Variants in GRHL3 observed in about 807,000 individuals in gnomAD.
The protein encoded by GRHL3 is grainyhead-like protein 3 homolog.
A neutral mutation model predicts 70.3 loss-of-function variants in GRHL3; 20 were observed. The ratio of observed to expected loss-of-function variants is 0.28; its 90% CI spans 0.20 to 0.41. The LOEUF is 0.41. GRHL3 is among the 10% of genes least tolerant of loss of function. The probability of loss-of-function intolerance (pLI) is 1.00; values close to 1 mark genes in which losing one functional copy is unlikely to be tolerated. For synonymous variants in GRHL3, 299 were observed against 299.9 expected (o/e 1.00, Z 0.03); for missense variants, 637 against 762.3 (o/e 0.84, Z 1.94).
chr1:24,329,334 C>T lies in GRHL3; in HGVS notation c.18-2092C>T, dbSNP rs141324899. On this transcript the variant is annotated intron_variant, in intron 1 of 15. Transcript: ENST00000361548. ...CCACTGCAGTCTGAGGATATGGGCCCTAGTGGCCTGGCAGCAGGAGGGTAC... is the reference window on the plus strand; with the variant it reads ...CCACTGCAGTCTGAGGATATGGGCCTTAGTGGCCTGGCAGCAGGAGGGTAC... Among the ~76,000 whole-genome samples, 59 of 152,320 alleles carry T rather than the reference C, an allele frequency of 3.9e-4. No individual in the cohort carries two copies. The East Asian group carries it at 8.5e-3, about 22-fold the overall frequency.
chr1:24,338,096 T>G lies in GRHL3; in HGVS notation c.945T>G (p.Ile315Met), dbSNP rs1333934293. 1 of 1,604,316 alleles carries G rather than the reference T, an allele frequency of 6.2e-7. No homozygotes were observed. The highest frequency in any genetic ancestry group is 2.2e-5 in the East Asian group (1 of 44,844). ...SRQPTAKQRV[I>M]DVADCKENFN... ...AACCCACTGCCAAGCAGCGGGTCAT[T>G]GACGTGGGTGAGAGCCTTCTCAAGC... is the stretch of plus-strand genomic sequence containing the variant. Residue 315 changes from isoleucine to methionine, a missense_variant, in exon 7 of 16, where the codon ATT (isoleucine) becomes ATG (methionine). Ile to Met is a conservative substitution (Grantham distance 10, BLOSUM62 1). Transcript: ENST00000361548.
chr1:24,334,514 T>C lies in GRHL3; in HGVS notation c.205-131T>C, dbSNP rs775609283. On this transcript the variant is annotated intron_variant, in intron 2 of 15. Transcript: ENST00000361548. This position sits in a 1 kb window ranked among gnomAD's most constrained non-coding sequence, Gnocchi z 4.3. ...ATGGGAACTACGATTCAAGATGAGATTTGGGTGGGGACACAGCCGAACCAT... is the reference window on the plus strand; with the variant it reads ...ATGGGAACTACGATTCAAGATGAGACTTGGGTGGGGACACAGCCGAACCAT... The C allele has an allele frequency of 2.2e-5, 14 of 651,086 alleles. No individual in the cohort carries two copies. The highest frequency in any genetic ancestry group is 3.7e-5 in the African/African-American group (2 of 54,678). 40.3% of individuals were successfully genotyped at this position (651,086 alleles called of 1,614,324 possible).
chr1:24,360,907 A>T (rs575719376), intron 15 of GRHL3: 1 of 1,613,956 alleles, frequency 6.2e-7, no homozygotes, highest in African/African-American at 1.3e-5. Flanking sequence ...GGTATTGGAC[A>T]CGAATGATGC....
chr1:24,323,053 A>T, intron 1 of GRHL3: 1 of 1,549,022 alleles, frequency 6.5e-7, no homozygotes, highest in Non-Finnish European at 8.7e-7. Context: ...AGATGTGCCA[A>T]ACTGTTAAGA....
At chr1:24,349,036 C>T (rs1452564235) in intron 14 of GRHL3, among the ~76,000 whole-genome samples, 3 of 152,210 alleles carry the variant, frequency 2.0e-5, no homozygotes, top group African/African-American at 7.2e-5. Context: ...TGCAGAACCA[C>T]AGTGTGTGTA....
At chr1:24,338,182 A>C in intron 7 of GRHL3, 79 bp downstream of exon 7, 1 of 938,824 alleles carries the variant, frequency 1.1e-6, no homozygotes, top group South Asian at 1.7e-5. Flanking sequence ...TTTCTTACTC[A>C]CCCCTGTTTC....
intron 1 of GRHL3, among the ~76,000 whole-genome samples, chr1:24,324,355 C>G (rs1445044714): frequency 6.6e-6 from 1 of 152,108 alleles, no homozygotes; most frequent in African/African-American, 2.4e-5. Context: ...GTGCGTGTTC[C>G]TCTTAAGTGG....
chr1:24,338,013 G>A lies in GRHL3; in HGVS notation c.862G>A (p.Asp288Asn), dbSNP rs141594535. 3.0e-5 allele frequency: 48 copies of A among 1,610,430 alleles called. No homozygotes were observed. The highest frequency in any genetic ancestry group is 1.9e-4 in the African/African-American group (14 of 74,752). Residue 288 changes from aspartate (D) to asparagine (N), a missense_variant, in exon 7 of 16, where the codon GAC becomes AAC. Physicochemically the swap from Asp to Asn is conservative, Grantham distance 23. Around this residue, in one of 2 missense-constraint regions of GRHL3, gnomAD observed 387 missense variants for 513.8 expected, o/e 0.75. Coordinates refer to ENST00000361548, the MANE Select transcript of GRHL3 (RefSeq NM_198173.3). ...GCAGAGTGTGGTGATGGTTGTCTTCGACAATGAGAAGGTCCCAGTAGAGCA... is the reference window on the plus strand; with the variant it reads ...GCAGAGTGTGGTGATGGTTGTCTTCAACAATGAGAAGGTCCCAGTAGAGCA... ...KVKSVVMVVF[D>N]NEKVPVEQLR...
intron 8 of GRHL3, among the ~76,000 whole-genome samples, 199 bp from the exon 9 acceptor site, chr1:24,341,916 C>T (rs939121470): frequency 6.6e-6 from 1 of 152,210 alleles, no homozygotes; most frequent in African/African-American, 2.4e-5. Flanking sequence ...CGTGTCACCT[C>T]GGGAAAGTTG....
At chr1:24,356,126 C>T (rs1159192962), downstream of GRHL3, among the ~76,000 whole-genome samples, 1 of 152,080 alleles carries the variant, frequency 6.6e-6, no homozygotes, top group Non-Finnish European at 1.5e-5. Context: ...GTCTCGAACT[C>T]CTGACCTTGT....
At chr1:24,335,555 TG>T (rs1639767256) in intron 3 of GRHL3, among the ~76,000 whole-genome samples, 2 of 151,372 alleles carry the variant, frequency 1.3e-5, no homozygotes, top group African/African-American at 2.4e-5. Context: ...ACAGTGGGTT[TG>T]GGTACATGGG....
At chr1:24,355,528 G>C (rs1340979016), downstream of GRHL3, among the ~76,000 whole-genome samples, 1 of 152,210 alleles carries the variant, frequency 6.6e-6, no homozygotes, top group Non-Finnish European at 1.5e-5. Flanking sequence ...CCAGATGTTT[G>C]TGTTTGAATG....
chr1:24,347,368 C>A, intron 13 of GRHL3, 100 bp from the exon 14 acceptor site: 1 of 1,037,566 alleles, frequency 9.6e-7, no homozygotes, highest in Admixed American at 1.7e-5. Flanking sequence ...AGACCCGCAG[C>A]AGAAGTCAAT....
At chr1:24,354,226 T>C (rs1414035309) in intron 15 of GRHL3, 148 bp from the exon 16 acceptor site, 2 of 586,954 alleles carry the variant, frequency 3.4e-6, no homozygotes, top group Non-Finnish European at 3.1e-6. Context: ...CTCGTGGGGT[T>C]GTTGTGAGGA....
intron 15 of GRHL3, among the ~76,000 whole-genome samples, chr1:24,361,500 C>T (rs1334757586): frequency 1.3e-5 from 2 of 152,124 alleles, no homozygotes; most frequent in East Asian, 1.9e-4. Context: ...CTTGTGATGC[C>T]TGCCATGGTC....
At chr1:24,333,399 T>C (rs1291138489) in intron 2 of GRHL3, among the ~76,000 whole-genome samples, 3 of 152,212 alleles carry the variant, frequency 2.0e-5, no homozygotes, top group East Asian at 3.8e-4. Context: ...TCATACTCTC[T>C]TGGGGTGATT....
intron 14 of GRHL3, 80 bp from the exon 15 acceptor site, chr1:24,349,978 T>A (rs1640439943): frequency 3.7e-6 from 4 of 1,070,828 alleles, no homozygotes; most frequent in Admixed American, 4.4e-5. Flanking sequence ...AATCAGGAAG[T>A]AAAAAAAGTG....
intron 7 of GRHL3, among the ~76,000 whole-genome samples, chr1:24,339,349 C>T (rs1639949768): frequency 6.6e-6 from 1 of 150,890 alleles, no homozygotes; most frequent in Admixed American, 6.6e-5. Flanking sequence ...GATCTCGGCT[C>T]ACTGCAACCT....
intron 1 of GRHL3, among the ~76,000 whole-genome samples, chr1:24,329,172 C>G (rs1244563903): frequency 2.0e-5 from 3 of 152,222 alleles, no homozygotes; most frequent in African/African-American, 7.2e-5. Context: ...TCCTGCGTGA[C>G]AGCTCCACCT....
Sources: allele counts gnomAD v4.1 joint callset (sites outside exome capture counted in the v4.1 genomes callset), GRCh38; gene constraint gnomAD v4.1.1; regional missense constraint gnomAD v4.1.1; non-coding constraint Gnocchi (gnomAD v3.1); transcripts MANE v1.5; gene names NCBI Gene and HGNC (gene_info 2026-07-23, HGNC 2026-07-21).